SKIC2: variants seen among roughly 807,000 people sequenced by gnomAD.
The protein encoded by SKIC2 is SKI2 subunit of superkiller complex, also known as superkiller complex protein 2.
the SKIC2 span, chr6:31,965,933 G>C: frequency 1.2e-6 from 2 of 1,612,958 alleles, no homozygotes; most frequent in Non-Finnish European, 1.7e-6. This position sits in a 1 kb window ranked among gnomAD's most constrained non-coding sequence, Gnocchi z 5.6. Context: ...AGGGCGGAGG[G>C]GCCTGGACCC....
At chr6:31,967,345 G>A in the SKIC2 span, 2 of 1,612,864 alleles carry the variant, frequency 1.2e-6, no homozygotes, top group Non-Finnish European at 8.5e-7. This position sits in a 1 kb window ranked among gnomAD's most constrained non-coding sequence, Gnocchi z 4.9. Context: ...GAAGAATCAG[G>A]AGCATCACAA....
At chr6:31,966,086 CTT>C in the SKIC2 span, 1 of 956,082 alleles carries the variant, frequency 1.0e-6, no homozygotes, top group African/African-American at 1.7e-5. The surrounding 1 kb of genome is among the most constrained non-coding windows in gnomAD (Gnocchi z 5.9). Context: ...ATTCTCCTCT[CTT>C]CTTTTTCTTC....
chr6:31,962,453 C>T, the SKIC2 span: 13 of 1,614,006 alleles, frequency 8.1e-6, no homozygotes, highest in Admixed American at 1.7e-5. The surrounding 1 kb of genome is among the most constrained non-coding windows in gnomAD (Gnocchi z 5.0). Flanking sequence ...ATCTACACTT[C>T]GCCCATCAAG....
At chr6:31,963,760 G>A in the SKIC2 span, 2 of 1,530,650 alleles carry the variant, frequency 1.3e-6, no homozygotes, top group Non-Finnish European at 1.8e-6. The surrounding 1 kb of genome is among the most constrained non-coding windows in gnomAD (Gnocchi z 5.3). Context: ...TTTTGTACCT[G>A]CCAGCACCTG....
At chr6:31,967,462 C>T in the SKIC2 span, 22 of 1,096,222 alleles carry the variant, frequency 2.0e-5, no homozygotes, top group East Asian at 7.1e-5. This position sits in a 1 kb window ranked among gnomAD's most constrained non-coding sequence, Gnocchi z 4.9. Context: ...GGGCAGGTTG[C>T]GTCATCATAG....
the SKIC2 span, chr6:31,960,331 C>T: frequency 1.2e-6 from 2 of 1,612,786 alleles, no homozygotes; most frequent in Admixed American, 1.7e-5. Context: ...TACTGGGTTA[C>T]AAAGAGGTAG....
the SKIC2 span, chr6:31,967,486 C>T: frequency 3.5e-6 from 3 of 850,716 alleles, no homozygotes; most frequent in Non-Finnish European, 5.7e-6. This position sits in a 1 kb window ranked among gnomAD's most constrained non-coding sequence, Gnocchi z 4.9. Flanking sequence ...CCTCATTTTC[C>T]CCTCTTGCCC....
the SKIC2 span, chr6:31,966,674 C>T: frequency 6.2e-7 from 1 of 1,612,902 alleles, no homozygotes; most frequent in Non-Finnish European, 8.5e-7. This position sits in a 1 kb window ranked among gnomAD's most constrained non-coding sequence, Gnocchi z 5.9. Flanking sequence ...GTAGGTCCCA[C>T]CCTGATCTCA....
the SKIC2 span, chr6:31,968,264 C>T: frequency 2.0e-6 from 3 of 1,496,614 alleles, no homozygotes; most frequent in Non-Finnish European, 2.8e-6. This position sits in a 1 kb window ranked among gnomAD's most constrained non-coding sequence, Gnocchi z 6.1. Context: ...CTTCCACAGC[C>T]TGAGGGAGGC....
chr6:31,967,237 T>C, the SKIC2 span: 1 of 1,608,780 alleles, frequency 6.2e-7, no homozygotes, highest in South Asian at 1.1e-5. This position sits in a 1 kb window ranked among gnomAD's most constrained non-coding sequence, Gnocchi z 4.9. Flanking sequence ...TGTCTGTCCC[T>C]GTGATGCCTC....
At chr6:31,963,239 C>A in the SKIC2 span, 1 of 807,568 alleles carries the variant, frequency 1.2e-6, no homozygotes, top group Non-Finnish European at 1.9e-6. The surrounding 1 kb of genome is among the most constrained non-coding windows in gnomAD (Gnocchi z 5.3). Context: ...CTGTGGGATC[C>A]CCTTTGGGTC....
chr6:31,963,361 G>A, the SKIC2 span: 4 of 1,492,846 alleles, frequency 2.7e-6, no homozygotes, highest in African/African-American at 1.4e-5. This position sits in a 1 kb window ranked among gnomAD's most constrained non-coding sequence, Gnocchi z 5.3. Context: ...GTGGGGATGT[G>A]GGTTCCTTCC....
At chr6:31,966,866 C>G in the SKIC2 span, 77 of 1,613,920 alleles carry the variant, frequency 4.8e-5, no homozygotes, top group Non-Finnish European at 1.8e-5. This position sits in a 1 kb window ranked among gnomAD's most constrained non-coding sequence, Gnocchi z 5.9. Context: ...CTGGGGTAAC[C>G]AGTGTGTGGA....
chr6:31,968,877 C>T, the SKIC2 span: 181 of 1,612,504 alleles, frequency 1.1e-4, no homozygotes, highest in Admixed American at 2.5e-4. This position sits in a 1 kb window ranked among gnomAD's most constrained non-coding sequence, Gnocchi z 6.1. Flanking sequence ...GCAGGTGCTC[C>T]GAACCCTGGG....
chr6:31,967,607 G>T, the SKIC2 span: 1 of 1,285,652 alleles, frequency 7.8e-7, no homozygotes. The surrounding 1 kb of genome is among the most constrained non-coding windows in gnomAD (Gnocchi z 4.9). Context: ...CTACTGGTGA[G>T]CTCTGCATGG....
the SKIC2 span, chr6:31,961,627 C>G: frequency 1.2e-6 from 2 of 1,613,046 alleles, no homozygotes; most frequent in South Asian, 2.2e-5. Context: ...TGGACGCCAC[C>G]TCCCCTGTTG....
chr6:31,962,282 T>C, the SKIC2 span, among the ~76,000 whole-genome samples: 1 of 152,138 alleles, frequency 6.6e-6, no homozygotes. This position sits in a 1 kb window ranked among gnomAD's most constrained non-coding sequence, Gnocchi z 5.0. Context: ...AGAATTTTTC[T>C]GGGGTTATAT....
the SKIC2 span, chr6:31,960,094 C>T: frequency 6.2e-7 from 1 of 1,613,068 alleles, no homozygotes; most frequent in African/African-American, 1.3e-5. Context: ...CTGGCTGCCT[C>T]TGCATGGTGT....
the SKIC2 span, chr6:31,968,858 C>T: frequency 2.5e-6 from 4 of 1,612,010 alleles, no homozygotes; most frequent in Non-Finnish European, 3.4e-6. The surrounding 1 kb of genome is among the most constrained non-coding windows in gnomAD (Gnocchi z 6.1). Context: ...AATGCCCACC[C>T]TTTTTCTTGC....
Sources: gnomAD v4.1 joint callset for allele counts (sites outside exome capture counted in the v4.1 genomes callset) on GRCh38, gnomAD v4.1.1 for gene constraint, Gnocchi (gnomAD v3.1) non-coding constraint, MANE v1.5 for transcripts, NCBI Gene and HGNC (gene_info 2026-07-23, HGNC 2026-07-21) for gene names.